The following COA7 variants were observed in gnomAD, a reference collection of about 807,000 sequenced individuals.
COA7 encodes the protein cytochrome c oxidase assembly factor 7.
Under a neutral mutation model 21.0 loss-of-function variants are expected in COA7, and 12 were observed. The observed-to-expected ratio is 0.57, with a 90% CI of 0.37 to 0.92. The LOEUF is 0.92. Among genes scored for constraint, COA7 ranks in the 40% least tolerant of loss-of-function variants. COA7 has a pLI of 0.01. For missense variants in COA7, 240 were observed against 286.1 expected (o/e 0.84, Z 1.16); for synonymous variants, 95 against 107.4 (o/e 0.88, Z 0.72).
chr1:52,698,160 C>G, intron 1 of COA7, 61 bp downstream of exon 1: 2 of 1,226,324 alleles, frequency 1.6e-6, no homozygotes, highest in South Asian at 2.4e-5. Context: ...AGGTCGCAGA[C>G]CAGACCTCTC....
At chr1:52,695,318 A>G (rs1644076885) in intron 1 of COA7, among the ~76,000 whole-genome samples, 1 of 147,348 alleles carries the variant, frequency 6.8e-6, no homozygotes, top group Admixed American at 6.7e-5. Flanking sequence ...AAAAAAAAAA[A>G]GCCAGGCGTG....
chr1:52,688,732 C>A (rs1258253662), intron 2 of COA7, among the ~76,000 whole-genome samples: 1 of 152,122 alleles, frequency 6.6e-6, no homozygotes, highest in Non-Finnish European at 1.5e-5. Flanking sequence ...TGAAAGGTAG[C>A]CTGGCATAGT....
intron 2 of COA7, among the ~76,000 whole-genome samples, chr1:52,689,449 T>A (rs1267399602): frequency 6.6e-6 from 1 of 151,820 alleles, no homozygotes; most frequent in Non-Finnish European, 1.5e-5. Flanking sequence ...CCACTTCACC[T>A]GGCCTATGAG....
chr1:52,693,950 CAATA>C (rs1184003227), intron 1 of COA7, among the ~76,000 whole-genome samples: 2 of 152,032 alleles, frequency 1.3e-5, no homozygotes, highest in African/African-American at 2.4e-5. Context: ...GGAGGAAATA[CAATA>C]AATAAATAAA....
Position 52,688,089 on chromosome 1 carries a change from T to C in COA7, c.327A>G (p.Ala109=). 6.2e-7 allele frequency: 1 copy of C among 1,614,140 alleles called. No homozygotes were observed. The highest frequency in any genetic ancestry group is 8.5e-7 in the Non-Finnish European group (1 of 1,180,022). The change falls in exon 3 of 3, where the codon GCA becomes GCG. Residue 109 remains alanine (A), a synonymous_variant. Transcript: ENST00000371538. Reference sequence around the variant, plus strand: ...CCAGGAGGCCAACGTTGTGACATGCTGCTATTGACTTCTTTCCAGGCTTCT... The same window carrying C: ...CCAGGAGGCCAACGTTGTGACATGCCGCTATTGACTTCTTTCCAGGCTTCT... The part of the protein sequence containing the change: ...ACEKPGKKSI[A]ACHNVGLLAH...
rs191089447 is a variant in COA7 at position 52,697,935 on chromosome 1, A to G, written c.106+286T>C. ...TGAGGCTTATTGCCCGACTCCCCGC[A>G]CTAGCTTGGAAGCTCCACGAGGGCA... On this transcript the variant is annotated intron_variant, in intron 1 of 2. Transcript: ENST00000371538. The G allele has an allele frequency of 6.2e-3, 2,416 of 388,160 alleles. 27 individuals carry two copies. Among genetic ancestry groups the G allele is most frequent in the Non-Finnish European group, 7.9e-3 (1,700 of 215,110 alleles). The allele number at this position is 388,160 out of a possible 1,614,324, so 24.0% of individuals were successfully genotyped here.
chr1:52,696,319 G>A (rs974575778), intron 1 of COA7, among the ~76,000 whole-genome samples: 2 of 152,064 alleles, frequency 1.3e-5, no homozygotes, highest in South Asian at 2.1e-4. Context: ...GATTACAGGC[G>A]CATGCCACCA....
chr1:52,695,325 C>T (rs1644076980), intron 1 of COA7, among the ~76,000 whole-genome samples: 2 of 143,828 alleles, frequency 1.4e-5, no homozygotes, highest in South Asian at 2.2e-4. Context: ...AAAAGCCAGG[C>T]GTGGTGGAAC....
In COA7 at chr1:52,684,488, G is replaced by C. The variant is rs146644647; in HGVS notation, c.*3232C>G. ...GACTTTATATTTTAGAGCAATTTTA[G>C]GTTTACAGCAAAATTGAGAGGGTAC... On this transcript the variant is annotated 3_prime_UTR_variant, in exon 3 of 3. Coordinates refer to ENST00000371538, the MANE Select transcript of COA7 (RefSeq NM_023077.3). 6.6e-6 allele frequency: 1 copy of C among 152,200 alleles called. No homozygotes were observed. The highest frequency in any genetic ancestry group is 2.4e-5 in the African/African-American group (1 of 41,522). 9.4% of individuals were successfully genotyped at this position (152,200 alleles called of 1,614,324 possible). A position where few individuals can be genotyped will look rare whatever the true frequency, so the allele number is the denominator to read the frequency against.
At chr1:52,696,927 T>C (rs923711677) in intron 1 of COA7, among the ~76,000 whole-genome samples, 2 of 151,720 alleles carry the variant, frequency 1.3e-5, no homozygotes, top group Non-Finnish European at 2.9e-5. Context: ...CTGGCCAACA[T>C]GGTGAAACCC....
At chr1:52,690,920 A>G (rs931775326) in intron 2 of COA7, among the ~76,000 whole-genome samples, 3 of 152,144 alleles carry the variant, frequency 2.0e-5, no homozygotes. Context: ...CAGCCTGGCT[A>G]ACATGGCGAA....
intron 2 of COA7, among the ~76,000 whole-genome samples, chr1:52,688,389 C>T (rs1403079283): frequency 6.6e-6 from 1 of 152,026 alleles, no homozygotes; most frequent in Non-Finnish European, 1.5e-5. Context: ...ACTACAGGCA[C>T]ACACCAACCA....
chr1:52,689,565 T>C (rs1003076815), intron 2 of COA7, among the ~76,000 whole-genome samples: 2 of 151,992 alleles, frequency 1.3e-5, no homozygotes, highest in Non-Finnish European at 2.9e-5. Flanking sequence ...AGCAAAAAGA[T>C]TGAATACCCC....
chr1:52,689,652 G>C lies in COA7; in HGVS notation c.248-1484C>G, dbSNP rs372412992. Among the ~76,000 whole-genome samples the C allele has an allele frequency of 2.4e-3, 359 of 152,026 alleles. 12 individuals are homozygous for C. The South Asian group carries it at 0.073, about 31-fold the overall frequency. On this transcript the variant is annotated intron_variant, in intron 2 of 2. Coordinates refer to ENST00000371538, the MANE Select transcript of COA7 (RefSeq NM_023077.3). Reference sequence around the variant, plus strand: ...CGCCTGTAATCCCAGCACTTTGGGAGGCCGAGGTGGGCGGATCACCTGAGA... The same window carrying C: ...CGCCTGTAATCCCAGCACTTTGGGACGCCGAGGTGGGCGGATCACCTGAGA...
Position 52,686,530 on chromosome 1 carries a change from C to G in COA7, c.*1190G>C, listed in dbSNP as rs1223617262. Reference sequence around the variant, plus strand: ...TGGCGCAATCTCAGCTCACTGCAAGCTCCGCCTCCCGGGTTCAAGCAATTC... The same window carrying G: ...TGGCGCAATCTCAGCTCACTGCAAGGTCCGCCTCCCGGGTTCAAGCAATTC... On this transcript the variant is annotated 3_prime_UTR_variant, in exon 3 of 3. Coordinates refer to ENST00000371538, the MANE Select transcript of COA7 (RefSeq NM_023077.3). The G allele has an allele frequency of 2.0e-5, 3 of 152,068 alleles. No homozygotes were observed. Among genetic ancestry groups the G allele is most frequent in the Admixed American group, 1.3e-4 (2 of 15,270 alleles). 9.4% of individuals were successfully genotyped at this position (152,068 alleles called of 1,614,324 possible). A position where few individuals can be genotyped will look rare whatever the true frequency, so the allele number is the denominator to read the frequency against.
chr1:52,688,405 C>G (rs1644022814), intron 2 of COA7, among the ~76,000 whole-genome samples: 1 of 152,088 alleles, frequency 6.6e-6, no homozygotes, highest in Non-Finnish European at 1.5e-5. Context: ...AACCACTATG[C>G]CTGGCTAATT....
At position 52,686,338 on chromosome 1, in the gene COA7, C is replaced by G. The variant is rs1337569261; in HGVS notation, c.*1382G>C. 1.3e-5 allele frequency: 2 copies of G among 152,200 alleles called. No homozygotes were observed. Among genetic ancestry groups the G allele is most frequent in the African/African-American group, 4.8e-5 (2 of 41,438 alleles). The allele number at this position is 152,200 out of a possible 1,614,324, so 9.4% of individuals were successfully genotyped here. Reference sequence around the variant, plus strand: ...ACAGCAAGCCTTCCTTTCAGGACGGCTGCAAAACGGAAGCCTAAAACAGTA... The same window carrying G: ...ACAGCAAGCCTTCCTTTCAGGACGGGTGCAAAACGGAAGCCTAAAACAGTA... On this transcript the variant is annotated 3_prime_UTR_variant, in exon 3 of 3. Coordinates refer to ENST00000371538, the MANE Select transcript of COA7 (RefSeq NM_023077.3).
Position 52,687,788 on chromosome 1 carries a change from GC to G in COA7, c.627del (p.Leu210Ter), listed in dbSNP as rs1370738078. The G allele has an allele frequency of 6.2e-7, 1 of 1,614,214 alleles. No homozygotes were observed. Among genetic ancestry groups the G allele is most frequent in the Admixed American group, 1.7e-5 (1 of 60,026 alleles). On this transcript the variant is annotated frameshift_variant, in exon 3 of 3. Transcript: ENST00000371538. LOFTEE classifies it high-confidence loss of function. Reference protein sequence around the residue: ...GVDKDEAKAEVLKNRAQQLHK... With the variant: ...GVDKDEAKAEXLKNRAQQLHK... ...TGTAGCTGCTGGGCTCGATTTTTTA[GC>G]ACCTCGGCCTTGGCCTCATCCTTAT... is the stretch of plus-strand genomic sequence containing the variant.
chr1:52,689,826 C>A (rs947438751), intron 2 of COA7, among the ~76,000 whole-genome samples: 1 of 151,882 alleles, frequency 6.6e-6, no homozygotes, highest in Admixed American at 6.6e-5. Context: ...GAGTTCGAGA[C>A]CAGCCTGGCC....
Sources: allele counts gnomAD v4.1 joint callset (sites outside exome capture counted in the v4.1 genomes callset), GRCh38; gene constraint gnomAD v4.1.1; transcripts MANE v1.5; gene names NCBI Gene and HGNC (gene_info 2026-07-23, HGNC 2026-07-21).